BLTP1: variants seen among roughly 807,000 people sequenced by gnomAD.
BLTP1 encodes bridge-like lipid transfer protein family member 1.
the BLTP1 span, chr4:122,255,894 TA>T: frequency 5.5e-6 from 1 of 180,872 alleles, no homozygotes; most frequent in African/African-American, 2.4e-5. Flanking sequence ...GTAGGAGAAC[TA>T]GGAAAGAGTG....
At chr4:122,321,978 A>ATT in the BLTP1 span, among the ~76,000 whole-genome samples, 1 of 20,502 alleles carries the variant, frequency 4.9e-5, no homozygotes, top group African/African-American at 2.5e-4. Flanking sequence ...AACTACATGT[A>ATT]ATTTTTTTTT....
At chr4:122,299,686 A>C in the BLTP1 span, 6 of 405,318 alleles carry the variant, frequency 1.5e-5, no homozygotes, top group Non-Finnish European at 2.0e-5. Context: ...AGGGATGGGA[A>C]GAGGTAGTTG....
the BLTP1 span, chr4:122,170,222 C>G: frequency 2.5e-6 from 1 of 407,986 alleles, no homozygotes; most frequent in East Asian, 1.7e-4. Flanking sequence ...AGGAGAATCG[C>G]TTGAAACTGG....
the BLTP1 span, chr4:122,254,337 C>G: frequency 6.2e-7 from 1 of 1,604,256 alleles, no homozygotes; most frequent in Non-Finnish European, 8.5e-7. Context: ...CACACACATG[C>G]ATTTTCTAGG....
the BLTP1 span, chr4:122,254,994 A>G: frequency 2.4e-5 from 36 of 1,530,352 alleles, no homozygotes; most frequent in Middle Eastern, 1.7e-4. Flanking sequence ...TACAAACTTT[A>G]GTATTGAAAA....
At chr4:122,344,907 G>A in the BLTP1 span, 9 of 985,088 alleles carry the variant, frequency 9.1e-6, no homozygotes, top group Non-Finnish European at 9.6e-6. Context: ...GATGAGTGAT[G>A]TTTAAAAATG....
the BLTP1 span, chr4:122,361,957 T>C: frequency 2.0e-6 from 3 of 1,530,184 alleles, no homozygotes; most frequent in South Asian, 3.7e-5. Flanking sequence ...GGCTTAGTGA[T>C]GTTCTTTTCC....
chr4:122,320,750 C>CT, the BLTP1 span, among the ~76,000 whole-genome samples: 1 of 152,030 alleles, frequency 6.6e-6, no homozygotes, highest in African/African-American at 2.4e-5. Context: ...TTAATCCACT[C>CT]TGACAGTCTG....
At chr4:122,262,996 G>T in the BLTP1 span, 1 of 1,610,232 alleles carries the variant, frequency 6.2e-7, no homozygotes, top group Non-Finnish European at 8.5e-7. Context: ...ACGTCCTCTA[G>T]ATTTGATAAT....
the BLTP1 span, chr4:122,225,632 T>C: frequency 6.6e-6 from 1 of 151,978 alleles, no homozygotes; most frequent in Admixed American, 6.6e-5. Context: ...AGAAAATGAA[T>C]AGAATTGAAA....
the BLTP1 span, chr4:122,254,752 T>C: frequency 6.9e-7 from 1 of 1,439,824 alleles, no homozygotes; most frequent in Non-Finnish European, 9.2e-7. Context: ...GGAGATTGTT[T>C]GGAATACAAA....
At chr4:122,326,913 T>G in the BLTP1 span, among the ~76,000 whole-genome samples, 1 of 151,728 alleles carries the variant, frequency 6.6e-6, no homozygotes, top group African/African-American at 2.4e-5. Flanking sequence ...CTATATAAAA[T>G]GAAGAACACC....
the BLTP1 span, chr4:122,153,159 G>GT: frequency 0.28 from 35,472 of 125,620 alleles, 5,705 homozygotes; most frequent in Non-Finnish European, 0.33. Flanking sequence ...AGTTGTTGTC[G>GT]TTTTTTTTTT....
the BLTP1 span, chr4:122,187,714 A>G: frequency 2.1e-6 from 1 of 476,330 alleles, no homozygotes; most frequent in Non-Finnish European, 2.7e-6. Context: ...TTAAGTACTT[A>G]AATTTTCTTT....
the BLTP1 span, among the ~76,000 whole-genome samples, chr4:122,267,173 C>G: frequency 6.7e-6 from 1 of 149,056 alleles, no homozygotes; most frequent in African/African-American, 2.5e-5. Context: ...ATTCTCCTGC[C>G]TCAGCCTGCC....
chr4:122,229,754 T>C, the BLTP1 span: 2 of 956,754 alleles, frequency 2.1e-6, no homozygotes, highest in South Asian at 4.8e-5. Flanking sequence ...TGTTTAACTT[T>C]TCTGTTCCCT....
chr4:122,347,491 T>G, the BLTP1 span: 22 of 1,589,232 alleles, frequency 1.4e-5, no homozygotes, highest in East Asian at 2.2e-5. Context: ...TTACTTTGGA[T>G]TTTTTGTTTG....
the BLTP1 span, among the ~76,000 whole-genome samples, chr4:122,168,601 G>A: frequency 6.6e-6 from 1 of 151,750 alleles, no homozygotes; most frequent in East Asian, 1.9e-4. Flanking sequence ...AAAAACTTAA[G>A]AGGGAAGAAA....
the BLTP1 span, chr4:122,156,074 G>A: frequency 9.8e-6 from 5 of 507,762 alleles, no homozygotes; most frequent in Non-Finnish European, 1.3e-5. Flanking sequence ...ACTGAGGTAG[G>A]AAGTGTAGGA....
Sources: gnomAD v4.1 joint callset for allele counts (sites outside exome capture counted in the v4.1 genomes callset) on GRCh38, gnomAD v4.1.1 for gene constraint, MANE v1.5 for transcripts, NCBI Gene and HGNC (gene_info 2026-07-23, HGNC 2026-07-21) for gene names.